RNF213: variants seen among roughly 807,000 people sequenced by gnomAD.
The protein encoded by RNF213 is E3 ubiquitin-protein ligase RNF213.
A neutral mutation model predicts 514.4 loss-of-function variants in RNF213; 341 were observed. The observed-to-expected ratio is 0.66, with a 90% confidence interval of 0.61 to 0.73. RNF213 has a LOEUF of 0.73. Among genes scored for constraint, RNF213 ranks in the 30% least tolerant of loss-of-function variants. The pLI, the probability that RNF213 is intolerant of heterozygous loss-of-function variation, is 0.00. For missense variants in RNF213, 5,767 were observed against 6,615.6 expected, an observed-to-expected ratio of 0.87 and a Z score of 4.45; for synonymous variants, 2,655 against 2,658.2, an observed-to-expected ratio of 1.00 and a Z score of 0.04.
chr17:80,386,219 CT>C, intron 61 of RNF213, 30 bp from the exon 62 acceptor site: 1 of 1,599,230 alleles, frequency 6.3e-7, no homozygotes, highest in Non-Finnish European at 8.5e-7. Context: ...TGGAACTCCT[CT>C]CTGCTTAAGC....
At chr17:80,274,049 G>A (rs949288386) in intron 3 of RNF213, among the ~76,000 whole-genome samples, 4 of 152,170 alleles carry the variant, frequency 2.6e-5, no homozygotes, top group African/African-American at 9.7e-5. Flanking sequence ...TGCATTGAGG[G>A]TGCAAGCTCA....
At chr17:80,302,344 A>C (rs1415807104) in intron 11 of RNF213, among the ~76,000 whole-genome samples, 1 of 152,206 alleles carries the variant, frequency 6.6e-6, no homozygotes, top group Non-Finnish European at 1.5e-5. Context: ...ATTTGTACAC[A>C]TTATACACTG....
At chr17:80,362,921 G>A (rs1334796051) in intron 39 of RNF213, among the ~76,000 whole-genome samples, 181 bp from the exon 40 acceptor site, 1 of 152,206 alleles carries the variant, frequency 6.6e-6, no homozygotes, top group Non-Finnish European at 1.5e-5. Context: ...CAGACGACAC[G>A]GTGACCTTAA....
intron 49 of RNF213, among the ~76,000 whole-genome samples, 161 bp downstream of exon 49, chr17:80,373,326 C>T (rs893553548): frequency 6.8e-6 from 1 of 147,590 alleles, no homozygotes; most frequent in Non-Finnish European, 1.5e-5. Flanking sequence ...CACCCTCACA[C>T]CCCCACACCT....
At chr17:80,334,496 C>T (rs899512611) in intron 22 of RNF213, 50 of 415,394 alleles carry the variant, frequency 1.2e-4, no homozygotes, top group Non-Finnish European at 1.9e-4. Context: ...CTTGCCACAC[C>T]CCGCCACTTC....
At position 80,346,768 on chromosome 17, in the gene RNF213, G is replaced by T. The variant is rs116468411; in HGVS notation, c.8433G>T (p.Pro2811=). 6.2e-7 allele frequency: 1 copy of T among 1,613,506 alleles called. No individual in the cohort carries two copies. Among genetic ancestry groups the T allele is most frequent in the Non-Finnish European group, 8.5e-7 (1 of 1,179,984 alleles). Residue 2811 remains proline, a synonymous_variant, in exon 29 of 68, where the codon CCG becomes CCT. Coordinates refer to ENST00000582970, the MANE Select transcript of RNF213 (RefSeq NM_001256071.3). This position sits in a 1 kb window ranked among gnomAD's most constrained non-coding sequence, Gnocchi z 8.1. ...ACCTGGTGTCCTTCCAGTGCAGCCC[G>T]CACTCCACCCCACAGGGCATCATCA... ...QVHLVSFQCS[P]HSTPQGIIST...
intron 59 of RNF213, among the ~76,000 whole-genome samples, chr17:80,384,230 T>A (rs1403524957): frequency 6.6e-6 from 1 of 152,142 alleles, no homozygotes; most frequent in Non-Finnish European, 1.5e-5. Context: ...CAGAAAAGGA[T>A]GCAGCTCTTT....
intron 55 of RNF213, 193 bp downstream of exon 55, chr17:80,379,907 C>T (rs1460600655): frequency 1.3e-5 from 8 of 625,430 alleles, no homozygotes; most frequent in African/African-American, 3.6e-5. Context: ...TTGTTGGATC[C>T]CTGGGCCCTG....
rs746137859 is a variant in RNF213, at chr17:80,389,838, G to C, written c.15206G>C (p.Arg5069Thr). Residue 5069 changes from arginine (R) to threonine (T), a missense_variant, in exon 66 of 68, where the codon AGA (arginine) becomes ACA (threonine). This residue lies in a region of RNF213 where 1,245 missense variants were observed against 1,339.0 expected (regional missense o/e 0.93). Transcript: ENST00000582970. ...CTATTCCTTCTGCAGGCCTTAAACAGATGCCAGTTAAAACACACCATTGCC... is the reference window on the plus strand; with the variant it reads ...CTATTCCTTCTGCAGGCCTTAAACACATGCCAGTTAAAACACACCATTGCC... ...QTIHVLKALN[R>T]CQLKHTIALW... The C allele has an allele frequency of 7.4e-6, 12 of 1,614,004 alleles. No individual in the cohort carries two copies. The highest frequency in any genetic ancestry group is 1.0e-5 in the Non-Finnish European group (12 of 1,180,004).
At chr17:80,390,643 C>T (rs1240772320) in intron 67 of RNF213, among the ~76,000 whole-genome samples, 14 of 152,044 alleles carry the variant, frequency 9.2e-5, no homozygotes, top group Non-Finnish European at 1.9e-4. Context: ...ATGATCTGCC[C>T]GCTTTGGCCT....
At chr17:80,381,809 C>G (rs1374527881) in intron 57 of RNF213, 82 bp downstream of exon 57, 2 of 1,248,436 alleles carry the variant, frequency 1.6e-6, no homozygotes, top group Non-Finnish European at 2.3e-6. Flanking sequence ...TGGGCCACCC[C>G]ACACACAGCC....
In RNF213 at chr17:80,349,811, A is replaced by G. The variant is rs759448743; in HGVS notation, c.9993A>G (p.Glu3331=). 8 of 1,614,040 alleles carry G rather than the reference A, an allele frequency of 5.0e-6. No individual in the cohort carries two copies. The highest frequency in any genetic ancestry group is 5.9e-6 in the Non-Finnish European group (7 of 1,180,014). The change falls in exon 30 of 68, where the codon GAA becomes GAG. Residue 3331 remains glutamate, a synonymous_variant. Transcript: ENST00000582970. The part of the protein sequence containing the change: ...FSRLLTSHDC[E]ILESEVTGRA... ...GGCTGCTAACAAGTCACGACTGTGAAATTTTAGAATCAGAGGTCACAGGCA... is the reference window on the plus strand; with the variant it reads ...GGCTGCTAACAAGTCACGACTGTGAGATTTTAGAATCAGAGGTCACAGGCA...
chr17:80,343,953 TTGTA>T lies in RNF213; in HGVS notation c.6282_6285del (p.Tyr2095SerfsTer43). 2 of 1,614,218 alleles carry T rather than the reference TTGTA, an allele frequency of 1.2e-6. No individual in the cohort carries two copies. Among genetic ancestry groups the T allele is most frequent in the Non-Finnish European group, 1.7e-6 (2 of 1,180,026 alleles). On this transcript the variant is annotated frameshift_variant, in exon 28 of 68. Transcript: ENST00000582970. LOFTEE classifies it high-confidence loss of function. This position sits in a 1 kb window ranked among gnomAD's most constrained non-coding sequence, Gnocchi z 4.3. ...AATGTGGCTTCGGAACCCCTGCCAT[TTGTA>T]TATCGTTGAAATCCTGGAAAGGAGG...
chr17:80,364,303 T>G (rs1422041938), intron 41 of RNF213, 130 bp from the exon 42 acceptor site: 1 of 1,274,204 alleles, frequency 7.8e-7, no homozygotes, highest in Non-Finnish European at 1.1e-6. Flanking sequence ...ACATAGGGCT[T>G]GCTTGTAATC....
intron 6 of RNF213, 118 bp downstream of exon 6, chr17:80,289,955 G>C: frequency 8.6e-7 from 1 of 1,168,554 alleles, no homozygotes; most frequent in Admixed American, 2.1e-5. Flanking sequence ...GTTTTGGCAA[G>C]TTTAACTTTG....
At chr17:80,340,381 GGCCCCGTCTCCCA>G (rs2078116853) in intron 26 of RNF213, 25 bp downstream of exon 26, 1 of 1,585,494 alleles carries the variant, frequency 6.3e-7, no homozygotes, top group East Asian at 2.3e-5. Context: ...AGGGTGGGCA[GGCCCCGTCTCCCA>G]GGGACTGCCC....
chr17:80,379,408 TAA>T (rs935563504), intron 54 of RNF213: 1 of 593,622 alleles, frequency 1.7e-6, no homozygotes, highest in Non-Finnish European at 3.1e-6. Flanking sequence ...CTCACTTATT[TAA>T]AAAACAGTTC....
chr17:80,371,137 A>G (rs2079501916), intron 46 of RNF213, among the ~76,000 whole-genome samples: 2 of 152,238 alleles, frequency 1.3e-5, no homozygotes, highest in Admixed American at 6.5e-5. Flanking sequence ...AAAAGAAAAA[A>G]ATCTATTTAA....
At position 80,288,493 on chromosome 17, in the gene RNF213, A is replaced by C. The variant is rs561279699; in HGVS notation, c.810+130A>C. On this transcript the variant is annotated intron_variant, in intron 4 of 67. Transcript: ENST00000582970. The surrounding 1 kb of genome is among the most constrained non-coding windows in gnomAD (Gnocchi z 4.9). ...CTCTGGGCCCTGCTCCCTGGGTGGG[A>C]GTCGGAGGGCTGCCCCTCCACTGGG... The C allele has an allele frequency of 4.1e-4, 646 of 1,591,572 alleles. No homozygotes were observed. Among genetic ancestry groups the C allele is most frequent in the Non-Finnish European group, 5.3e-4 (614 of 1,164,062 alleles).
Sources: gnomAD v4.1 joint callset for allele counts (sites outside exome capture counted in the v4.1 genomes callset) on GRCh38, gnomAD v4.1.1 for gene constraint, gnomAD v4.1.1 regional missense constraint, Gnocchi (gnomAD v3.1) non-coding constraint, MANE v1.5 for transcripts, NCBI Gene and HGNC (gene_info 2026-07-23, HGNC 2026-07-21) for gene names.